SLC39A5: variants seen among roughly 807,000 people sequenced by gnomAD.
The protein encoded by SLC39A5 is solute carrier family 39 member 5, also known as zinc transporter ZIP5.
A neutral mutation model predicts 46.9 loss-of-function variants in SLC39A5; 42 were observed. The observed-to-expected ratio is 0.90, with a 90% CI of 0.70 to 1.16. The LOEUF is 1.16. SLC39A5 is among the 50% of genes most tolerant of loss of function. The pLI is 0.00. For synonymous variants in SLC39A5, 311 were observed against 323.1 expected (o/e 0.96, Z 0.40); for missense variants, 677 against 686.8 (o/e 0.99, Z 0.16).
intron 4 of SLC39A5, 77 bp from the exon 5 acceptor site, chr12:56,232,612 T>C: frequency 7.2e-7 from 1 of 1,381,862 alleles, no homozygotes; most frequent in Non-Finnish European, 9.6e-7. Flanking sequence ...CCATTCCCCC[T>C]AAAATCCCTG....
intron 5 of SLC39A5, among the ~76,000 whole-genome samples, chr12:56,234,597 G>T (rs1364484550): frequency 6.6e-6 from 1 of 151,984 alleles, no homozygotes; most frequent in Non-Finnish European, 1.5e-5. Context: ...TTACAGGCGT[G>T]AGCCACCGCA....
chr12:56,231,228 G>A lies in SLC39A5; in HGVS notation c.-47G>A. On this transcript the variant is annotated 5_prime_UTR_variant, in exon 4 of 13. Coordinates refer to ENST00000454355, the MANE Select transcript of SLC39A5 (RefSeq NM_173596.3). Reference sequence around the variant, plus strand: ...GGGCACAGTCCTCAGGATGTTTCGGGGAGAATAGGAGCCAGAACCTGAGCC... The same window carrying A: ...GGGCACAGTCCTCAGGATGTTTCGGAGAGAATAGGAGCCAGAACCTGAGCC... 1 of 1,532,460 alleles carries A rather than the reference G, an allele frequency of 6.5e-7. No individual in the cohort carries two copies. Among genetic ancestry groups the A allele is most frequent in the South Asian group, 1.3e-5 (1 of 79,140 alleles). 94.9% of individuals were successfully genotyped at this position (1,532,460 alleles called of 1,614,324 possible).
chr12:56,235,632 G>T lies in SLC39A5; in HGVS notation c.877G>T (p.Gly293Ter). 6.2e-7 allele frequency: 1 copy of T among 1,614,086 alleles called. No homozygotes were observed. Among genetic ancestry groups the T allele is most frequent in the South Asian group, 1.1e-5 (1 of 91,076 alleles). Residue 293 changes from glycine (G) to a stop codon, truncating the protein, a stop_gained, in exon 8 of 13, where the codon GGA becomes TGA. Coordinates refer to ENST00000454355, the MANE Select transcript of SLC39A5 (RefSeq NM_173596.3). LOFTEE classifies it high-confidence loss of function. ...CCTGGGCCCGGGGCTGTCAGTGCTCGGAGGCCTCTTCCTGCTCTTTGTGCT... is the reference window on the plus strand; with the variant it reads ...CCTGGGCCCGGGGCTGTCAGTGCTCTGAGGCCTCTTCCTGCTCTTTGTGCT... ...KDLGPGLSVL[G>*]GLFLLFVLEN... is the part of the protein sequence containing the mutation.
Position 56,232,996 on chromosome 12 carries a change from T to C in SLC39A5, c.471+124T>C, listed in dbSNP as rs1056338482. On this transcript the variant is annotated intron_variant, in intron 5 of 12. Coordinates refer to ENST00000454355, the MANE Select transcript of SLC39A5 (RefSeq NM_173596.3). ...CCCAACGTGGACCAAGCGTGGTGGC[T>C]CACGCCTGTAATCCCAACACTTTGG... is the stretch of plus-strand genomic sequence containing the variant. 14 of 995,004 alleles carry C rather than the reference T, an allele frequency of 1.4e-5. No homozygotes were observed. The African/African-American group carries it at 2.4e-4, about 17-fold the overall frequency. 61.6% of individuals were successfully genotyped at this position (995,004 alleles called of 1,614,324 possible).
In SLC39A5 at chr12:56,231,299, C is replaced by T; in HGVS notation, c.25C>T (p.Leu9=). The T allele has an allele frequency of 2.5e-6, 4 of 1,610,496 alleles. No individual in the cohort carries two copies. The South Asian group carries it at 4.4e-5, about 18-fold the overall frequency. ...AATGATGGGGTCCCCAGTGAGTCAT[C>T]TGCTGGCCGGCTTCTGTGTGTGGGT... MMGSPVSH[L]LAGFCVWVVL... The change falls in exon 4 of 13, where the codon CTG becomes TTG. Residue 9 remains leucine, a synonymous_variant. Transcript: ENST00000454355.
rs1227933606 is a variant in SLC39A5, at chr12:56,231,209, A to T, written c.-66A>T. ...CCCATTCCTCATTCTTCCAGGGCACAGTCCTCAGGATGTTTCGGGGAGAAT... is the reference window on the plus strand; with the variant it reads ...CCCATTCCTCATTCTTCCAGGGCACTGTCCTCAGGATGTTTCGGGGAGAAT... On this transcript the variant is annotated 5_prime_UTR_variant, in exon 4 of 13. Transcript: ENST00000454355. The T allele has an allele frequency of 6.7e-7, 1 of 1,491,964 alleles. No homozygotes were observed. The highest frequency in any genetic ancestry group is 1.4e-5 in the African/African-American group (1 of 71,420). The allele number at this position is 1,491,964 out of a possible 1,614,324, so 92.4% of individuals were successfully genotyped here.
At chr12:56,236,326 G>A (rs1484376616) in intron 8 of SLC39A5, 70 bp from the exon 9 acceptor site, 1 of 1,409,324 alleles carries the variant, frequency 7.1e-7, no homozygotes, top group African/African-American at 1.4e-5. Context: ...TTCCCAGCTT[G>A]TGGCCTGGCT....
intron 5 of SLC39A5, among the ~76,000 whole-genome samples, chr12:56,233,263 TCA>T (rs1870408718): frequency 9.9e-5 from 5 of 50,494 alleles, no homozygotes; most frequent in Admixed American, 3.2e-4. Flanking sequence ...AGACTCTGTC[TCA>T]AAAAAAAAAA....
chr12:56,236,575 C>T lies in SLC39A5; in HGVS notation c.1043-7C>T, dbSNP rs1870789941. On this transcript the variant is annotated splice_region_variant and splice_polypyrimidine_tract_variant and intron_variant, in intron 9 of 12. Transcript: ENST00000454355. ...CCACCAACACTGTCCTGTGCTTCTT[C>T]CCGCAGAGCCAGGGGCTCAGGGCCA... The T allele has an allele frequency of 6.2e-7, 1 of 1,612,678 alleles. No individual in the cohort carries two copies. The highest frequency in any genetic ancestry group is 1.1e-5 in the South Asian group (1 of 91,048).
Position 56,236,378 on chromosome 12 carries a change from G to T in SLC39A5, c.946-18G>T. On this transcript the variant is annotated intron_variant, in intron 8 of 12. Coordinates refer to ENST00000454355, the MANE Select transcript of SLC39A5 (RefSeq NM_173596.3). ...CTCTGCTGCCTCCTCCACCAGGAGG[G>T]ATGCCCTCCTATTTCAGAGATGCTG... 1 of 1,613,382 alleles carries T rather than the reference G, an allele frequency of 6.2e-7. No homozygotes were observed.
Position 56,235,291 on chromosome 12 carries a change from C to A in SLC39A5, c.769C>A (p.Leu257Ile), listed in dbSNP as rs1296218616. ...CCTGGGGGCCCTGGCGGTGGGCACT[C>A]TTTGTGGGGATGCACTGCTACATCT... is the stretch of plus-strand genomic sequence containing the variant. ...GFLGALAVGT[L>I]CGDALLHLLP... The change falls in exon 7 of 13, where the codon CTT becomes ATT. Residue 257 changes from leucine to isoleucine, a missense_variant. Leu to Ile is a conservative substitution (Grantham distance 5, BLOSUM62 2). Coordinates refer to ENST00000454355, the MANE Select transcript of SLC39A5 (RefSeq NM_173596.3). The A allele has an allele frequency of 1.9e-6, 3 of 1,545,632 alleles. No homozygotes were observed. In the South Asian group the frequency reaches 3.8e-5, roughly 19 times the overall value.
At position 56,234,855 on chromosome 12, in the gene SLC39A5, T is replaced by C. The variant is rs746133552; in HGVS notation, c.503T>C (p.Phe168Ser). Residue 168 changes from phenylalanine (F) to serine (S), a missense_variant, in exon 6 of 13, where the codon TTT (phenylalanine) becomes TCT (serine). Physicochemically the swap from Phe to Ser is radical, Grantham distance 155 (BLOSUM62 -2). Coordinates refer to ENST00000454355, the MANE Select transcript of SLC39A5 (RefSeq NM_173596.3). ...CLNGSQLLVN[F>S]GLSPAAPLTP... ...AACGGCTCCCAGCTGCTGGTCAATT[T>C]TGGCTTGAGCCCCGCTGCTCCTCTG... 3.2e-5 allele frequency: 51 copies of C among 1,613,774 alleles called. No homozygotes were observed. The highest frequency in any genetic ancestry group is 3.0e-4 in the Admixed American group (18 of 60,024).
In SLC39A5 at chr12:56,231,490, G is replaced by T. The variant is rs1352660340; in HGVS notation, c.216G>T (p.Gly72=). ...GCCTGGGGCTAGGCCGAGTTCAGGG[G>T]CTTCGCCTGGGACAGCATGGGCCTC... The part of the protein sequence containing the change: ...LHSLGLGRVQ[G]LRLGQHGPLT... Residue 72 remains glycine (G), a synonymous_variant, in exon 4 of 13, where the codon GGG becomes GGT. Transcript: ENST00000454355. 8 of 1,610,814 alleles carry T rather than the reference G, an allele frequency of 5.0e-6. No homozygotes were observed. Among genetic ancestry groups the T allele is most frequent in the Non-Finnish European group, 6.8e-6 (8 of 1,178,212 alleles).
chr12:56,232,983 C>G, intron 5 of SLC39A5, 111 bp downstream of exon 5: 1 of 1,137,480 alleles, frequency 8.8e-7, no homozygotes, highest in Non-Finnish European at 1.2e-6. Flanking sequence ...CAACGTGGAC[C>G]AAGCGTGGTG....
At chr12:56,232,023 C>T (rs1331029090) in intron 4 of SLC39A5, among the ~76,000 whole-genome samples, 3 of 151,974 alleles carry the variant, frequency 2.0e-5, no homozygotes, top group East Asian at 3.9e-4. Flanking sequence ...TGAACTACCA[C>T]CCTAGCCCTC....
At chr12:56,235,122 G>A (rs1870606315) in intron 6 of SLC39A5, 35 bp from the exon 7 acceptor site, 4 of 1,548,428 alleles carry the variant, frequency 2.6e-6, no homozygotes, top group African/African-American at 1.4e-5. Flanking sequence ...CCCTCCTCTT[G>A]CCCTGACCTA....
At chr12:56,231,013 A>G in intron 3 of SLC39A5, 140 bp downstream of exon 3, 1 of 482,282 alleles carries the variant, frequency 2.1e-6, no homozygotes, top group South Asian at 3.5e-5. Context: ...GAGAGCTCTG[A>G]CTCAGGGAGG....
chr12:56,231,561 G>C lies in SLC39A5; in HGVS notation c.287G>C (p.Arg96Thr). The change falls in exon 4 of 13, where the codon AGG becomes ACG. Residue 96 changes from arginine (R) to threonine (T), a missense_variant and splice_region_variant. Coordinates refer to ENST00000454355, the MANE Select transcript of SLC39A5 (RefSeq NM_173596.3). ...CCAGCTGCAGACAATTCCACACACA[G>C]GTACTGACCCCTTCCTCCACTCCAC... ...ASPAADNSTH[R>T]PQNPELSVDV... is the part of the protein sequence containing the mutation. The C allele has an allele frequency of 2.6e-6, 4 of 1,535,232 alleles. No homozygotes were observed. The highest frequency in any genetic ancestry group is 3.5e-6 in the Non-Finnish European group (4 of 1,139,778).
In SLC39A5 at chr12:56,232,866, T is replaced by C; in HGVS notation, c.465T>C (p.Asn155=). ...LLDHSLADHL[N]EDCLNGSQLL... ...ACCACTCATTGGCTGACCACCTGAATGAGGATGTGAGTCTGACGGTCTCTA... is the reference window on the plus strand; with the variant it reads ...ACCACTCATTGGCTGACCACCTGAACGAGGATGTGAGTCTGACGGTCTCTA... The change falls in exon 5 of 13, where the codon AAT becomes AAC. Residue 155 remains asparagine, a synonymous_variant. Coordinates refer to ENST00000454355, the MANE Select transcript of SLC39A5 (RefSeq NM_173596.3). 1.2e-6 allele frequency: 2 copies of C among 1,610,414 alleles called. No individual in the cohort carries two copies. Among genetic ancestry groups the C allele is most frequent in the East Asian group, 4.5e-5 (2 of 44,406 alleles).
Sources: gnomAD v4.1 joint callset for allele counts (sites outside exome capture counted in the v4.1 genomes callset) on GRCh38, gnomAD v4.1.1 for gene constraint, MANE v1.5 for transcripts, NCBI Gene and HGNC (gene_info 2026-07-23, HGNC 2026-07-21) for gene names.